The following RAD9B variants were observed in gnomAD, a reference collection of about 807,000 sequenced individuals.
The protein encoded by RAD9B is cell cycle checkpoint control protein RAD9B.
In RAD9B, 41 loss-of-function variants were observed where a neutral mutation model predicts 48.3. The ratio of observed to expected loss-of-function variants is 0.85; its 90% CI spans 0.66 to 1.10. RAD9B has a LOEUF of 1.10. Among genes scored for constraint, RAD9B ranks in the 50% least tolerant of loss-of-function variants. RAD9B has a pLI of 0.00. For missense variants in RAD9B, 444 were observed against 485.1 expected, an observed-to-expected ratio of 0.92 and a Z score of 0.80; for synonymous variants, 160 against 157.9, an observed-to-expected ratio of 1.01 and a Z score of -0.10.
chr12:110,517,244 CTT>C (rs1335499762), intron 6 of RAD9B, among the ~76,000 whole-genome samples: 2 of 152,184 alleles, frequency 1.3e-5, no homozygotes, highest in African/African-American at 4.8e-5. Flanking sequence ...AAGGGGATCA[CTT>C]GAGCTCAAGA....
chr12:110,507,618 T>C (rs1248980594), intron 4 of RAD9B, among the ~76,000 whole-genome samples: 1 of 146,850 alleles, frequency 6.8e-6, no homozygotes, highest in Non-Finnish European at 1.5e-5. Flanking sequence ...CATATATACA[T>C]AATATTATAT....
intron 10 of RAD9B, among the ~76,000 whole-genome samples, chr12:110,529,606 T>C (rs1593124041): frequency 6.8e-6 from 1 of 148,050 alleles, no homozygotes; most frequent in South Asian, 2.1e-4. Flanking sequence ...AAAAAAAGGC[T>C]GCGCATGGTT....
intron 9 of RAD9B, among the ~76,000 whole-genome samples, chr12:110,521,591 T>C: frequency 6.8e-6 from 1 of 147,012 alleles, no homozygotes; most frequent in Non-Finnish European, 1.5e-5. Context: ...GAGTCTCGCT[T>C]TGTCACCCGG....
chr12:110,506,843 C>CTT (rs144653649), intron 4 of RAD9B, 150 bp downstream of exon 4: 451 of 373,062 alleles, frequency 1.2e-3, no homozygotes, highest in South Asian at 1.7e-3. Flanking sequence ...AAGTATTATC[C>CTT]TTTTTTTTTT....
intron 6 of RAD9B, 52 bp from the exon 7 acceptor site, chr12:110,518,624 A>T: frequency 1.5e-6 from 2 of 1,349,648 alleles, no homozygotes; most frequent in Non-Finnish European, 1.0e-6. Context: ...TTTTCCTCTA[A>T]ATTCATCTCT....
chr12:110,529,017 C>T (rs555130046), intron 10 of RAD9B, among the ~76,000 whole-genome samples: 5 of 151,808 alleles, frequency 3.3e-5, no homozygotes, highest in African/African-American at 9.7e-5. Context: ...CGTGAGCTAC[C>T]GTGCCGGGCC....
chr12:110,530,618 G>GAGGAC lies in RAD9B; in HGVS notation c.1221_1225dup (p.Met409ArgfsTer3). 1 of 1,614,024 alleles carries GAGGAC rather than the reference G, an allele frequency of 6.2e-7. No homozygotes were observed. The highest frequency in any genetic ancestry group is 8.5e-7 in the Non-Finnish European group (1 of 1,179,864). ...TCTGGCAAGAGCAAGTGACAGTGAAGAGGACATGAATAATGGCAGTTTCTC... is the reference window on the plus strand; with the variant it reads ...TCTGGCAAGAGCAAGTGACAGTGAAGAGGACAGGACATGAATAATGGCAGTTTCTC... On this transcript the variant is annotated frameshift_variant, in exon 11 of 11. Coordinates refer to ENST00000409300, the MANE Select transcript of RAD9B (RefSeq NM_001286535.2). LOFTEE classifies it high-confidence loss of function.
chr12:110,505,646 G>A lies in RAD9B; in HGVS notation c.147G>A (p.Arg49=). Residue 49 remains arginine (R), a synonymous_variant, in exon 3 of 11, where the codon CGG becomes CGA. Transcript: ENST00000409300. ...CTCTAAGATGTGTGAATTCTTCTCG[G>A]TCAGCATATGGATGTGTCCTGTTCT... ...GLALRCVNSS[R]SAYGCVLFSP... 6.4e-7 allele frequency: 1 copy of A among 1,565,172 alleles called. No homozygotes were observed. The highest frequency in any genetic ancestry group is 8.7e-7 in the Non-Finnish European group (1 of 1,153,726).
In RAD9B at chr12:110,530,653, A is replaced by T. The variant is rs2064113126; in HGVS notation, c.1254A>T (p.Ter418TyrextTer28). Residue 418 changes from the stop codon to tyrosine, a stop_lost, in exon 11 of 11, where the codon TAA (stop) becomes TAT (tyrosine). Coordinates refer to ENST00000409300, the MANE Select transcript of RAD9B (RefSeq NM_001286535.2). The part of the protein sequence containing the change: ...DMNNGSFSIF[*>Y] Reference sequence around the variant, plus strand: ...ATAATGGCAGTTTCTCTATATTCTAATGCTTAATGATGGCTGAGCTGGGCC... The same window carrying T: ...ATAATGGCAGTTTCTCTATATTCTATTGCTTAATGATGGCTGAGCTGGGCC... 2 of 1,613,558 alleles carry T rather than the reference A, an allele frequency of 1.2e-6. No homozygotes were observed. The highest frequency in any genetic ancestry group is 1.7e-6 in the Non-Finnish European group (2 of 1,179,700).
chr12:110,528,242 G>T (rs938235408), intron 10 of RAD9B, among the ~76,000 whole-genome samples: 1 of 151,456 alleles, frequency 6.6e-6, no homozygotes, highest in Non-Finnish European at 1.5e-5. Flanking sequence ...ACTTAGATGA[G>T]AAGTGGAGAG....
intron 9 of RAD9B, among the ~76,000 whole-genome samples, chr12:110,520,215 G>GTTA (rs1192472717): frequency 6.6e-6 from 1 of 151,896 alleles, no homozygotes; most frequent in Non-Finnish European, 1.5e-5. Flanking sequence ...TGTTGTTGTT[G>GTTA]TTATTGTTTT....
At chr12:110,528,443 C>T (rs963091985) in intron 10 of RAD9B, among the ~76,000 whole-genome samples, 6 of 152,282 alleles carry the variant, frequency 3.9e-5, no homozygotes, top group Admixed American at 1.3e-4. Flanking sequence ...GGTAAAGACC[C>T]GCAGTGCCGC....
chr12:110,532,028 G>C lies in RAD9B; in HGVS notation c.*1375G>C, dbSNP rs1303990734. The stretch of plus-strand genomic sequence containing the variant: ...AACCAGAATTAATTTGGCTCTTGTA[G>C]CTTAGTAATGAGTCATAGCTACCCA... On this transcript the variant is annotated 3_prime_UTR_variant, in exon 11 of 11. Coordinates refer to ENST00000409300, the MANE Select transcript of RAD9B (RefSeq NM_001286535.2). 5.9e-6 allele frequency: 1 copy of C among 168,802 alleles called. No homozygotes were observed. Among genetic ancestry groups the C allele is most frequent in the Non-Finnish European group, 1.3e-5 (1 of 79,612 alleles). The allele number at this position is 168,802 out of a possible 1,614,324, so 10.5% of individuals were successfully genotyped here.
At position 110,531,608 on chromosome 12, in the gene RAD9B, C is replaced by A; in HGVS notation, c.*955C>A. 1 of 1,610,856 alleles carries A rather than the reference C, an allele frequency of 6.2e-7. No individual in the cohort carries two copies. Among genetic ancestry groups the A allele is most frequent in the South Asian group, 1.1e-5 (1 of 90,750 alleles). ...GGAAAGAATTTAATGGAAGTGATGC[C>A]AAATATTTCTGTATTATCTGACATA... On this transcript the variant is annotated 3_prime_UTR_variant, in exon 11 of 11. Transcript: ENST00000409300.
At chr12:110,513,622 T>C (rs1021488719) in intron 5 of RAD9B, among the ~76,000 whole-genome samples, 1 of 151,466 alleles carries the variant, frequency 6.6e-6, no homozygotes, top group Admixed American at 6.6e-5. Context: ...AGTTTTCAGT[T>C]CAGCTGTAGC....
chr12:110,512,493 A>G (rs1178765572), intron 4 of RAD9B, among the ~76,000 whole-genome samples: 1 of 152,190 alleles, frequency 6.6e-6, no homozygotes, highest in African/African-American at 2.4e-5. Context: ...ATCAATAAAA[A>G]TATATTAACA....
At position 110,508,776 on chromosome 12, in the gene RAD9B, C is replaced by CTTCTT. The variant is rs1256860104; in HGVS notation, c.388+2101_388+2105dup. Among the ~76,000 whole-genome samples the CTTCTT allele has an allele frequency of 5.6e-4, 85 of 151,958 alleles. 1 individual carries two copies. The highest frequency in any genetic ancestry group is 1.7e-3 in the South Asian group (8 of 4,806). Reference sequence around the variant, plus strand: ...CGCCATGGTTTGATCCAGGGTGCAGCTTCTTTTCTTTTCTTTTCTTTTTTT... The same window carrying CTTCTT: ...CGCCATGGTTTGATCCAGGGTGCAGCTTCTTTTCTTTTCTTTTCTTTTCTTTTTTT... On this transcript the variant is annotated intron_variant, in intron 4 of 10. Coordinates refer to ENST00000409300, the MANE Select transcript of RAD9B (RefSeq NM_001286535.2).
chr12:110,519,573 G>A (rs2063712047), intron 8 of RAD9B, among the ~76,000 whole-genome samples: 1 of 151,794 alleles, frequency 6.6e-6, no homozygotes, highest in South Asian at 2.1e-4. Flanking sequence ...TGGGATTACA[G>A]GCATGCACCA....
chr12:110,520,000 G>A, intron 9 of RAD9B, 84 bp downstream of exon 9: 2 of 1,442,780 alleles, frequency 1.4e-6, no homozygotes, highest in Non-Finnish European at 1.9e-6. Context: ...ATTCACTTAG[G>A]AAACAATTGA....
Sources: allele counts gnomAD v4.1 joint callset (sites outside exome capture counted in the v4.1 genomes callset), GRCh38; gene constraint gnomAD v4.1.1; transcripts MANE v1.5; gene names NCBI Gene and HGNC (gene_info 2026-07-23, HGNC 2026-07-21).